Variants in AP3B1 observed in about 807,000 individuals in gnomAD.
The protein encoded by AP3B1 is AP-3 complex subunit beta-1.
Under a neutral mutation model 132.5 loss-of-function variants are expected in AP3B1, and 61 were observed. That is an observed-to-expected ratio of 0.46 (90% confidence interval 0.37 to 0.57). The LOEUF (loss-of-function observed/expected upper bound fraction) is 0.57. Ranked by LOEUF, AP3B1 falls within the 20% of genes least tolerant of loss-of-function variation. AP3B1 has a pLI of 0.00. For synonymous variants in AP3B1, 388 were observed against 438.3 expected, an observed-to-expected ratio of 0.89 and a Z score of 1.43; for missense variants, 1,120 against 1,289.4, an observed-to-expected ratio of 0.87 and a Z score of 2.01.
At chr5:78,005,799 A>C (rs1561348231) in intron 26 of AP3B1, among the ~76,000 whole-genome samples, 1 of 152,146 alleles carries the variant, frequency 6.6e-6, no homozygotes, top group Non-Finnish European at 1.5e-5. Context: ...GAAGGCAAAA[A>C]CCACTACCCC....
At chr5:78,127,451 C>G (rs187937413) in intron 17 of AP3B1, among the ~76,000 whole-genome samples, 141 of 152,192 alleles carry the variant, frequency 9.3e-4, no homozygotes, top group African/African-American at 3.0e-3. Context: ...CAATGGCCAG[C>G]ATTTTTTTTA....
intron 1 of AP3B1, among the ~76,000 whole-genome samples, chr5:78,292,933 C>T (rs1415619922): frequency 1.3e-5 from 2 of 152,036 alleles, no homozygotes; most frequent in African/African-American, 4.8e-5. Context: ...CGTTTGAGTG[C>T]TGTGGCGCGA....
In AP3B1 at chr5:78,240,781, T is replaced by C. The variant is rs937399958; in HGVS notation, c.279+81A>G. Reference sequence around the variant, plus strand: ...AAAATCTAGTGATACTTAAGTATCTTATGTTGCATTATACTACATAAAAAG... The same window carrying C: ...AAAATCTAGTGATACTTAAGTATCTCATGTTGCATTATACTACATAAAAAG... On this transcript the variant is annotated intron_variant, in intron 3 of 26. Transcript: ENST00000255194. 6.5e-6 allele frequency: 6 copies of C among 919,552 alleles called. 1 individual carries two copies. The highest frequency in any genetic ancestry group is 4.9e-5 in the African/African-American group (3 of 60,960). 57.0% of individuals were successfully genotyped at this position (919,552 alleles called of 1,614,324 possible).
chr5:78,038,241 G>C (rs142581172), intron 23 of AP3B1, among the ~76,000 whole-genome samples: 16 of 152,262 alleles, frequency 1.1e-4, no homozygotes, highest in South Asian at 4.1e-4. Flanking sequence ...TTTTTAAATG[G>C]TGGCAACAGA....
intron 19 of AP3B1, among the ~76,000 whole-genome samples, chr5:78,113,518 T>C (rs1751683510): frequency 1.3e-5 from 2 of 152,310 alleles, no homozygotes; most frequent in African/African-American, 4.8e-5. Context: ...TCCAAGGTTA[T>C]ACCAATTTTC....
chr5:78,043,459 T>A (rs1470657542), intron 22 of AP3B1: 12 of 227,228 alleles, frequency 5.3e-5, no homozygotes, highest in Non-Finnish European at 1.1e-4. Context: ...ACCTTTCTCT[T>A]CCTCTGCCTA....
intron 14 of AP3B1, among the ~76,000 whole-genome samples, chr5:78,145,560 G>A (rs1457777217): frequency 6.6e-6 from 1 of 152,186 alleles, no homozygotes; most frequent in Non-Finnish European, 1.5e-5. Context: ...GTTGAGACCG[G>A]TTCTGATCCC....
intron 7 of AP3B1, among the ~76,000 whole-genome samples, chr5:78,207,029 G>A (rs914346673): frequency 5.9e-5 from 9 of 151,866 alleles, no homozygotes; most frequent in South Asian, 2.1e-4. Flanking sequence ...AGGCTGAGGC[G>A]GGTGGATCAC....
chr5:78,238,574 T>C (rs1746981193), intron 3 of AP3B1, among the ~76,000 whole-genome samples: 1 of 152,038 alleles, frequency 6.6e-6, no homozygotes, highest in Non-Finnish European at 1.5e-5. Context: ...TACTCAATAC[T>C]GTAGATAACT....
intron 25 of AP3B1, among the ~76,000 whole-genome samples, chr5:78,017,595 A>G (rs1456214216): frequency 6.6e-6 from 1 of 152,116 alleles, no homozygotes; most frequent in Non-Finnish European, 1.5e-5. Flanking sequence ...CTAGGAACTC[A>G]TAAGATAGAT....
chr5:78,242,107 G>A lies in AP3B1; in HGVS notation c.205-1171C>T, dbSNP rs375562558. On this transcript the variant is annotated intron_variant, in intron 2 of 26. Transcript: ENST00000255194. ...CACTACTTTGCACATGTCAGCCCCC[G>A]TAAAAGATTTCAAAAGCTTCTGACT... Among the ~76,000 whole-genome samples, 16 of 152,212 alleles carry A rather than the reference G, an allele frequency of 1.1e-4. 1 individual carries two copies. The South Asian group carries it at 1.7e-3, about 16-fold the overall frequency.
At chr5:78,273,740 G>A (rs1315864893) in intron 1 of AP3B1, among the ~76,000 whole-genome samples, 1 of 152,040 alleles carries the variant, frequency 6.6e-6, no homozygotes, top group Non-Finnish European at 1.5e-5. Context: ...TAAGATTACT[G>A]AAGAGCCACA....
chr5:78,112,349 A>T (rs975276323), intron 19 of AP3B1, among the ~76,000 whole-genome samples: 9 of 152,150 alleles, frequency 5.9e-5, no homozygotes, highest in Non-Finnish European at 1.3e-4. Context: ...TCCCCAATTC[A>T]CTGGTTAAAA....
chr5:78,066,572 T>G (rs1239868471), intron 22 of AP3B1, among the ~76,000 whole-genome samples: 1 of 152,178 alleles, frequency 6.6e-6, no homozygotes, highest in Non-Finnish European at 1.5e-5. Flanking sequence ...ATTTCTGAGC[T>G]TGAAGACTAT....
chr5:78,221,125 T>A (rs1281689996), intron 6 of AP3B1, among the ~76,000 whole-genome samples: 2 of 152,090 alleles, frequency 1.3e-5, no homozygotes, highest in African/African-American at 4.8e-5. Context: ...TGGGGACATA[T>A]ACTGGTCCTA....
Position 78,023,893 on chromosome 5 carries a change from G to C in AP3B1, c.2895-3104C>G, listed in dbSNP as rs116716842. 2.0e-3 allele frequency among the ~76,000 whole-genome samples: 308 copies of C among 152,282 alleles called. 1 individual carries two copies. Among genetic ancestry groups the C allele is most frequent in the Non-Finnish European group, 3.6e-3 (243 of 68,018 alleles). On this transcript the variant is annotated intron_variant, in intron 24 of 26. Coordinates refer to ENST00000255194, the MANE Select transcript of AP3B1 (RefSeq NM_003664.5). ...GCTTCCTGAGAATGAAGAAGCAAAG[G>C]AATAACACCTAAAGAAACCTGAGCA... is the stretch of plus-strand genomic sequence containing the variant.
At chr5:78,082,006 T>C (rs1361258237) in intron 22 of AP3B1, among the ~76,000 whole-genome samples, 1 of 152,200 alleles carries the variant, frequency 6.6e-6, no homozygotes, top group Non-Finnish European at 1.5e-5. Context: ...CCAACTTTGC[T>C]GGGCAGACTA....
chr5:78,230,658 C>T (rs1746607349), intron 3 of AP3B1, among the ~76,000 whole-genome samples: 1 of 141,600 alleles, frequency 7.1e-6, no homozygotes, highest in Non-Finnish European at 1.6e-5. Context: ...CCCGCTTCAC[C>T]AAGTTCCACT....
Position 78,047,863 on chromosome 5 carries a change from A to G in AP3B1, c.2578-8589T>C, listed in dbSNP as rs143812887. On this transcript the variant is annotated intron_variant, in intron 22 of 26. Coordinates refer to ENST00000255194, the MANE Select transcript of AP3B1 (RefSeq NM_003664.5). ...TGAAATTGTTGCAAATTAACTAGTT[A>G]GCTTGTAAGTAGGGTAACATCTCAG... 1.8e-4 allele frequency among the ~76,000 whole-genome samples: 28 copies of G among 152,334 alleles called. 2 individuals are homozygous for G. In the East Asian group the frequency reaches 5.4e-3, roughly 29 times the overall value.
Sources: gnomAD v4.1 joint callset for allele counts (sites outside exome capture counted in the v4.1 genomes callset) on GRCh38, gnomAD v4.1.1 for gene constraint, MANE v1.5 for transcripts, NCBI Gene and HGNC (gene_info 2026-07-23, HGNC 2026-07-21) for gene names.